Variants in CDC42BPB observed in about 807,000 individuals in gnomAD.
CDC42BPB encodes serine/threonine-protein kinase MRCK beta.
CDC42BPB carries 37 observed loss-of-function variants against 214.9 expected under a neutral mutation model. The ratio of observed to expected loss-of-function variants is 0.17; its 90% CI spans 0.13 to 0.23. The LOEUF (loss-of-function observed/expected upper bound fraction) is 0.23, where lower values mean the gene tolerates loss of function less well. Among genes scored for constraint, CDC42BPB ranks in the 10% least tolerant of loss-of-function variants. The pLI is 1.00. For synonymous variants in CDC42BPB, 931 were observed against 884.0 expected (o/e 1.05, Z -0.94); for missense variants, 1,694 against 2,227.0 (o/e 0.76, Z 4.82).
chr14:102,993,367 C>A (rs553126860), intron 5 of CDC42BPB, among the ~76,000 whole-genome samples: 2 of 152,150 alleles, frequency 1.3e-5, no homozygotes, highest in African/African-American at 4.8e-5. Flanking sequence ...CTCAATGAGC[C>A]GCTCCACATG....
At chr14:102,978,647 T>C (rs540469053) in intron 8 of CDC42BPB, among the ~76,000 whole-genome samples, 2 of 152,226 alleles carry the variant, frequency 1.3e-5, no homozygotes, top group South Asian at 4.2e-4. Context: ...AACCCAAAGG[T>C]AGATTATTTT....
chr14:102,944,358 G>T lies in CDC42BPB; in HGVS notation c.3941C>A (p.Ala1314Glu), dbSNP rs749094142. 6.2e-7 allele frequency: 1 copy of T among 1,612,584 alleles called. No homozygotes were observed. Among genetic ancestry groups the T allele is most frequent in the African/African-American group, 1.3e-5 (1 of 74,938 alleles). Reference sequence around the variant, plus strand: ...AAGCTTGATGTCAAAGCTGCCTTCCGCTCCATCAAGGGACGACCACGGATA... The same window carrying T: ...AAGCTTGATGTCAAAGCTGCCTTCCTCTCCATCAAGGGACGACCACGGATA... ...HLYPWSSLDGAEGSFDIKLPE... is the reference protein window; with the variant it reads ...HLYPWSSLDGEEGSFDIKLPE... The change falls in exon 30 of 37, where the codon GCG (alanine) becomes GAG (glutamate). Residue 1314 changes from alanine to glutamate, a missense_variant. By Grantham distance (107) the Ala-to-Glu change is moderately radical. Coordinates refer to ENST00000361246, the MANE Select transcript of CDC42BPB (RefSeq NM_006035.4). The surrounding 1 kb of genome is among the most constrained non-coding windows in gnomAD (Gnocchi z 6.6).
At chr14:102,989,250 T>C (rs1332525026) in intron 5 of CDC42BPB, among the ~76,000 whole-genome samples, 1 of 152,158 alleles carries the variant, frequency 6.6e-6, no homozygotes, top group Non-Finnish European at 1.5e-5. Flanking sequence ...AGTCTGAAAA[T>C]GCACGGTTGG....
chr14:102,949,134 C>T (rs892617864), intron 26 of CDC42BPB, among the ~76,000 whole-genome samples: 5 of 152,214 alleles, frequency 3.3e-5, no homozygotes, highest in South Asian at 2.1e-4. Flanking sequence ...GTGCAGGCCC[C>T]GGGCTGAGCT....
chr14:102,962,926 C>T, intron 20 of CDC42BPB, 135 bp downstream of exon 20: 1 of 543,352 alleles, frequency 1.8e-6, no homozygotes, highest in Non-Finnish European at 3.3e-6. Context: ...TTTGAAAATG[C>T]TGATTTTGGA....
intron 1 of CDC42BPB, among the ~76,000 whole-genome samples, chr14:103,025,868 T>C (rs368493910): frequency 1.3e-5 from 2 of 149,754 alleles, no homozygotes; most frequent in Non-Finnish European, 3.0e-5. Flanking sequence ...CACGGATGTA[T>C]GTGAAGCTAA....
intron 21 of CDC42BPB, among the ~76,000 whole-genome samples, chr14:102,957,422 C>T (rs1361167799): frequency 1.3e-5 from 2 of 152,142 alleles, no homozygotes; most frequent in East Asian, 1.9e-4. Flanking sequence ...CTTTCCTGGC[C>T]GCCTCCATTC....
Position 102,940,572 on chromosome 14 carries a change from G to C in CDC42BPB, c.4409-248C>G, listed in dbSNP as rs550288143. ...CGTAACTAATATTTTGAATACTACA[G>C]TACAGATGTTGAAGGTGACTTTTAA... On this transcript the variant is annotated intron_variant, in intron 30 of 36. Transcript: ENST00000361246. 1.0e-4 allele frequency: 104 copies of C among 1,019,022 alleles called. 1 individual carries two copies. The South Asian group carries it at 1.8e-3, about 17-fold the overall frequency. 63.1% of individuals were successfully genotyped at this position (1,019,022 alleles called of 1,614,324 possible).
intron 2 of CDC42BPB, among the ~76,000 whole-genome samples, chr14:103,010,138 T>A (rs1186855735): frequency 2.6e-5 from 4 of 152,024 alleles, no homozygotes; most frequent in African/African-American, 7.3e-5. Flanking sequence ...ATAAAAAAAA[T>A]TAGCCGGGCG....
intron 19 of CDC42BPB, 125 bp downstream of exon 19, chr14:102,964,377 G>A: frequency 3.4e-6 from 4 of 1,161,088 alleles, no homozygotes; most frequent in Non-Finnish European, 4.8e-6. Context: ...TGCCTCCTAA[G>A]GCTCCAGCAA....
intron 19 of CDC42BPB, among the ~76,000 whole-genome samples, chr14:102,964,272 A>AC (rs539265219): frequency 1.4e-3 from 204 of 151,096 alleles, no homozygotes; most frequent in African/African-American, 4.6e-3. Context: ...ACCGCACCAC[A>AC]CCCCCCCGCG....
At chr14:103,044,141 T>C (rs1412780167) in intron 1 of CDC42BPB, among the ~76,000 whole-genome samples, 3 of 152,244 alleles carry the variant, frequency 2.0e-5, no homozygotes, top group Non-Finnish European at 4.4e-5. Flanking sequence ...AAAGCTGCTC[T>C]ATTAATAAAC....
chr14:103,041,159 A>G (rs1026772879), intron 1 of CDC42BPB, among the ~76,000 whole-genome samples: 2 of 152,228 alleles, frequency 1.3e-5, no homozygotes, highest in Non-Finnish European at 2.9e-5. Flanking sequence ...AAGGATTCTA[A>G]GACCATTCAA....
chr14:102,949,738 C>CT, intron 26 of CDC42BPB, 27 bp downstream of exon 26: 1 of 1,612,844 alleles, frequency 6.2e-7, no homozygotes. Context: ...ATTCACAGAG[C>CT]AAGGACAGTG....
In CDC42BPB at chr14:103,032,535, CAAAA is replaced by C. The variant is rs570009408; in HGVS notation, c.176-20351_176-20348del. Among the ~76,000 whole-genome samples, 27 of 45,060 alleles carry C rather than the reference CAAAA, an allele frequency of 6.0e-4. No homozygotes were observed. The East Asian group carries it at 0.01, about 17-fold the overall frequency. 29.6% of individuals were successfully genotyped at this position (45,060 alleles called of 152,430 possible). A position where few individuals can be genotyped will look rare whatever the true frequency, so the allele number is the denominator to read the frequency against. ...TGCCAATTCTTCCACAAATAAACTG[CAAAA>C]AAAAAAAAAAAAAAAAAGGAGAGAG... is the stretch of plus-strand genomic sequence containing the variant. On this transcript the variant is annotated intron_variant, in intron 1 of 36. Transcript: ENST00000361246.
rs1235062914 is a variant in CDC42BPB at position 103,047,828 on chromosome 14, G to A, written c.175+9171C>T. Among the ~76,000 whole-genome samples the A allele has an allele frequency of 2.0e-5, 3 of 151,556 alleles. No homozygotes were observed. The East Asian group carries it at 5.8e-4, about 29-fold the overall frequency. On this transcript the variant is annotated intron_variant, in intron 1 of 36. Coordinates refer to ENST00000361246, the MANE Select transcript of CDC42BPB (RefSeq NM_006035.4). The stretch of plus-strand genomic sequence containing the variant: ...CTGAGGCAGGAGAACTGCTTGAACC[G>A]GGAGGTGGAGGTTGCAGTGAGCCAA...
At chr14:103,013,192 G>A (rs1886253931) in intron 1 of CDC42BPB, among the ~76,000 whole-genome samples, 1 of 152,210 alleles carries the variant, frequency 6.6e-6, no homozygotes, top group Admixed American at 6.5e-5. Context: ...AGGTGAGTGA[G>A]AGCTGAGCTC....
intron 1 of CDC42BPB, among the ~76,000 whole-genome samples, chr14:103,024,830 CG>C (rs1212178009): frequency 6.6e-6 from 1 of 152,168 alleles, no homozygotes; most frequent in Non-Finnish European, 1.5e-5. Flanking sequence ...CTGCCCACCT[CG>C]GCCTTCCAAG....
chr14:102,940,536 A>G, intron 30 of CDC42BPB: 1 of 1,318,926 alleles, frequency 7.6e-7, no homozygotes, highest in Non-Finnish European at 1.0e-6. Flanking sequence ...TAAATGCTCC[A>G]CAATCACTTC....
Sources: gnomAD v4.1 joint callset for allele counts (sites outside exome capture counted in the v4.1 genomes callset) on GRCh38, gnomAD v4.1.1 for gene constraint, Gnocchi (gnomAD v3.1) non-coding constraint, MANE v1.5 for transcripts, NCBI Gene and HGNC (gene_info 2026-07-23, HGNC 2026-07-21) for gene names.